The following HCN1 variants were observed in gnomAD, a reference collection of about 807,000 sequenced individuals.
HCN1 encodes the protein hyperpolarization activated cyclic nucleotide gated potassium channel 1, also known as potassium/sodium hyperpolarization-activated cyclic nucleotide-gated channel 1.
HCN1 carries 13 observed loss-of-function variants against 78.9 expected under a neutral mutation model. The ratio of observed to expected loss-of-function variants is 0.16; its 90% confidence interval spans 0.11 to 0.26. The LOEUF (loss-of-function observed/expected upper bound fraction) is 0.26. Ranked by LOEUF, HCN1 falls within the 10% of genes least tolerant of loss-of-function variation. The pLI, the probability that HCN1 is intolerant of heterozygous loss-of-function variation, is 1.00. For missense variants in HCN1, 810 were observed against 1,154.3 expected (o/e 0.70, Z 4.32); for synonymous variants, 552 against 455.5 (o/e 1.21, Z -2.70).
chr5:45,497,397 G>A (rs556721914), intron 2 of HCN1, among the ~76,000 whole-genome samples: 32 of 152,278 alleles, frequency 2.1e-4, no homozygotes, highest in East Asian at 5.8e-4. Context: ...TGTATTGGGC[G>A]CATATATATT....
intron 1 of HCN1, among the ~76,000 whole-genome samples, chr5:45,647,635 T>G (rs1313774248): frequency 6.6e-6 from 1 of 152,118 alleles, no homozygotes; most frequent in Admixed American, 6.6e-5. Flanking sequence ...CTCCTAATCC[T>G]CATAATCAGT....
chr5:45,512,920 C>T (rs953918110), intron 2 of HCN1, among the ~76,000 whole-genome samples: 1 of 152,000 alleles, frequency 6.6e-6, no homozygotes, highest in Admixed American at 6.6e-5. Flanking sequence ...AGAAAAAAAT[C>T]TTTATTTATC....
At chr5:45,405,390 G>T (rs779084045) in intron 3 of HCN1, among the ~76,000 whole-genome samples, 1 of 152,038 alleles carries the variant, frequency 6.6e-6, no homozygotes, top group Non-Finnish European at 1.5e-5. Context: ...GGCATAGAAT[G>T]ACTTTTGACT....
At chr5:45,607,274 T>G (rs2696010) in intron 2 of HCN1, among the ~76,000 whole-genome samples, 6,920 of 151,792 alleles carry the variant, frequency 0.046, 557 homozygotes, top group African/African-American at 0.16. Context: ...TAAAAATACC[T>G]TTTTTAAGAG....
At chr5:45,287,585 T>C (rs1745292672) in intron 6 of HCN1, among the ~76,000 whole-genome samples, 3 of 152,118 alleles carry the variant, frequency 2.0e-5, no homozygotes, top group African/African-American at 7.2e-5. Flanking sequence ...TGATTTCTTA[T>C]GTGTGTGCTC....
At chr5:45,443,723 T>A (rs1740729371) in intron 3 of HCN1, among the ~76,000 whole-genome samples, 1 of 152,090 alleles carries the variant, frequency 6.6e-6, no homozygotes, top group African/African-American at 2.4e-5. Flanking sequence ...TCCCTCAAGT[T>A]AAAACATAAT....
chr5:45,682,694 GA>G (rs974578997), intron 1 of HCN1, among the ~76,000 whole-genome samples: 28 of 151,904 alleles, frequency 1.8e-4, no homozygotes, highest in Middle Eastern at 3.4e-3. Flanking sequence ...TGGAGGGGGT[GA>G]TAAACAATAC....
intron 2 of HCN1, among the ~76,000 whole-genome samples, chr5:45,497,133 A>G (rs1429169130): frequency 6.6e-6 from 1 of 152,148 alleles, no homozygotes; most frequent in Non-Finnish European, 1.5e-5. Flanking sequence ...TATGTGGTCA[A>G]TTTTGGAATA....
intron 5 of HCN1, among the ~76,000 whole-genome samples, chr5:45,322,440 C>T (rs1250791543): frequency 6.6e-6 from 1 of 151,740 alleles, no homozygotes; most frequent in Non-Finnish European, 1.5e-5. Context: ...CCCAATGAAA[C>T]ACAGGTTGAG....
chr5:45,471,017 T>C (rs1448780853), intron 2 of HCN1, among the ~76,000 whole-genome samples: 2 of 151,938 alleles, frequency 1.3e-5, no homozygotes, highest in Admixed American at 1.3e-4. Flanking sequence ...TGACAATATC[T>C]TTCTGTCTTA....
chr5:45,476,363 C>T (rs1034129785), intron 2 of HCN1, among the ~76,000 whole-genome samples: 1 of 152,032 alleles, frequency 6.6e-6, no homozygotes, highest in Admixed American at 6.6e-5. Context: ...TTAAGCCACC[C>T]AGTCCATGAT....
chr5:45,365,022 G>T (rs1747204973), intron 4 of HCN1, among the ~76,000 whole-genome samples: 1 of 151,804 alleles, frequency 6.6e-6, no homozygotes, highest in South Asian at 2.1e-4. Context: ...CTTCCTGAAG[G>T]TGTTCAATAA....
intron 2 of HCN1, among the ~76,000 whole-genome samples, chr5:45,503,427 A>G (rs1742230518): frequency 6.6e-6 from 1 of 152,198 alleles, no homozygotes; most frequent in Non-Finnish European, 1.5e-5. Flanking sequence ...AGAGAGACAG[A>G]GATTGCTTTT....
intron 2 of HCN1, chr5:45,557,913 C>T (rs536254404): frequency 6.6e-6 from 1 of 152,124 alleles, no homozygotes; most frequent in East Asian, 1.9e-4. Context: ...CAATTAATTA[C>T]TCCACAATGG....
At chr5:45,472,907 T>C (rs950756373) in intron 2 of HCN1, among the ~76,000 whole-genome samples, 3 of 151,938 alleles carry the variant, frequency 2.0e-5, no homozygotes, top group Non-Finnish European at 4.4e-5. Context: ...TCTGTCCTCA[T>C]TTGAGCTCTT....
intron 3 of HCN1, among the ~76,000 whole-genome samples, chr5:45,425,736 C>A (rs1308722994): frequency 1.3e-5 from 2 of 152,038 alleles, no homozygotes; most frequent in African/African-American, 4.8e-5. Context: ...CATTGGAATT[C>A]AAGGATAGAA....
At chr5:45,416,649 C>T (rs948086426) in intron 3 of HCN1, among the ~76,000 whole-genome samples, 2 of 151,842 alleles carry the variant, frequency 1.3e-5, no homozygotes, top group Non-Finnish European at 2.9e-5. Flanking sequence ...TATATATATG[C>T]TATTATTGTT....
intron 6 of HCN1, among the ~76,000 whole-genome samples, chr5:45,291,385 A>G (rs1745372425): frequency 6.6e-6 from 1 of 151,988 alleles, no homozygotes; most frequent in Admixed American, 6.6e-5. Context: ...CTCATCTTTT[A>G]TAAATCTTTC....
chr5:45,485,956 CAT>C (rs1326907017), intron 2 of HCN1, among the ~76,000 whole-genome samples: 1 of 152,120 alleles, frequency 6.6e-6, no homozygotes, highest in Non-Finnish European at 1.5e-5. Context: ...AAGTAGCTAC[CAT>C]ATGAGTGTTT....
Sources: allele counts gnomAD v4.1 joint callset (sites outside exome capture counted in the v4.1 genomes callset), GRCh38; gene constraint gnomAD v4.1.1; transcripts MANE v1.5; gene names NCBI Gene and HGNC (gene_info 2026-07-23, HGNC 2026-07-21).